The following IGSF10 variants were observed in gnomAD, a reference collection of about 807,000 sequenced individuals.
IGSF10 encodes the protein calvaria mechanical force protein 608.
In IGSF10, 126 loss-of-function variants were observed where a neutral mutation model predicts 128.2. That is an observed-to-expected ratio of 0.98 (90% CI 0.85 to 1.14). The LOEUF is 1.14. IGSF10 is among the 50% of genes most tolerant of loss of function. IGSF10 has a pLI of 0.00. For synonymous variants in IGSF10, 1,185 were observed against 1,146.2 expected (o/e 1.03, Z -0.68); for missense variants, 3,295 against 3,149.8 (o/e 1.05, Z -1.10).
chr3:151,590,133 G>A, the IGSF10 span, among the ~76,000 whole-genome samples: 2 of 151,826 alleles, frequency 1.3e-5, no homozygotes, highest in Non-Finnish European at 2.9e-5. Context: ...CTATCTTCTG[G>A]GCTCAAGTGA....
At chr3:151,498,663 A>G in the IGSF10 span, among the ~76,000 whole-genome samples, 3 of 152,174 alleles carry the variant, frequency 2.0e-5, no homozygotes, top group South Asian at 2.1e-4. Context: ...AAGTTATACA[A>G]GTAGACAAAT....
chr3:151,583,133 T>G, the IGSF10 span, among the ~76,000 whole-genome samples: 2 of 152,032 alleles, frequency 1.3e-5, no homozygotes, highest in Admixed American at 6.5e-5. Flanking sequence ...TGCATGTATG[T>G]TTTCTAGTTA....
chr3:151,541,622 T>C, the IGSF10 span, among the ~76,000 whole-genome samples: 2,272 of 152,282 alleles, frequency 0.015, 47 homozygotes, highest in African/African-American at 0.05. Flanking sequence ...CTTCTCTCTC[T>C]CTGCATATGT....
At chr3:151,540,801 C>T in the IGSF10 span, among the ~76,000 whole-genome samples, 5 of 152,244 alleles carry the variant, frequency 3.3e-5, no homozygotes, top group South Asian at 2.1e-4. Context: ...TAGTCCCCCA[C>T]GAAAATGCAC....
the IGSF10 span, among the ~76,000 whole-genome samples, chr3:151,486,986 G>A: frequency 6.9e-6 from 1 of 145,210 alleles, no homozygotes; most frequent in Non-Finnish European, 1.5e-5. Flanking sequence ...ACTAAGATCC[G>A]AGCAGAACTG....
In IGSF10 at chr3:151,448,646, G is replaced by A. The variant is rs1279243202; in HGVS notation, c.1335C>T (p.Phe445=). The change falls in exon 6 of 8, where the codon TTC becomes TTT. Residue 445 remains phenylalanine, a synonymous_variant. Transcript: ENST00000282466. ...TGGAGTACTGGATCTGTAATGTACTGAATGTGGTGGCAGTTCTGTTCAGCT... is the reference window on the plus strand; with the variant it reads ...TGGAGTACTGGATCTGTAATGTACTAAATGTGGTGGCAGTTCTGTTCAGCT... ...SLQLNRTATT[F]STLQIQYSSD... The A allele has an allele frequency of 1.1e-5, 18 of 1,614,098 alleles. No individual in the cohort carries two copies. Among genetic ancestry groups the A allele is most frequent in the Non-Finnish European group, 1.4e-5 (17 of 1,180,044 alleles).
At chr3:151,579,811 T>G in the IGSF10 span, among the ~76,000 whole-genome samples, 2 of 116,542 alleles carry the variant, frequency 1.7e-5, no homozygotes, top group Non-Finnish European at 3.6e-5. Flanking sequence ...AGAATAAATA[T>G]TACGAAGGAA....
At chr3:151,613,015 C>T in the IGSF10 span, among the ~76,000 whole-genome samples, 5 of 152,096 alleles carry the variant, frequency 3.3e-5, no homozygotes, top group Admixed American at 2.0e-4. Flanking sequence ...AATCAATGTA[C>T]AAAAATCACA....
chr3:151,518,380 A>G, the IGSF10 span, among the ~76,000 whole-genome samples: 1 of 152,168 alleles, frequency 6.6e-6, no homozygotes, highest in East Asian at 1.9e-4. Context: ...ACTCTGGCTC[A>G]GGAGACTGCT....
At chr3:151,591,467 A>T in the IGSF10 span, among the ~76,000 whole-genome samples, 1 of 145,304 alleles carries the variant, frequency 6.9e-6, no homozygotes, top group Non-Finnish European at 1.5e-5. Flanking sequence ...TATTTACCAG[A>T]TACTAAAGAT....
chr3:151,534,329 ATTC>A, the IGSF10 span, among the ~76,000 whole-genome samples: 2 of 152,254 alleles, frequency 1.3e-5, no homozygotes, highest in African/African-American at 4.8e-5. Context: ...ATTATAAATC[ATTC>A]TTCTATAAAG....
intron 7 of IGSF10, 47 bp from the exon 8 acceptor site, chr3:151,438,644 G>C (rs757412694): frequency 6.8e-7 from 1 of 1,479,358 alleles, no homozygotes; most frequent in Non-Finnish European, 9.3e-7. Flanking sequence ...TTAGCAATGA[G>C]GGAAACTGTT....
the IGSF10 span, among the ~76,000 whole-genome samples, chr3:151,533,212 A>T: frequency 6.6e-6 from 1 of 152,184 alleles, no homozygotes; most frequent in Non-Finnish European, 1.5e-5. Flanking sequence ...GAAGAATCAA[A>T]ATCGTGAAAA....
the IGSF10 span, among the ~76,000 whole-genome samples, chr3:151,534,074 C>T: frequency 6.6e-6 from 1 of 152,198 alleles, no homozygotes; most frequent in South Asian, 2.1e-4. Flanking sequence ...CATCACTGGT[C>T]ATTAGAGAAA....
At chr3:151,461,376 T>G, upstream of IGSF10, 1 of 985,408 alleles carries the variant, frequency 1.0e-6, no homozygotes, top group Non-Finnish European at 1.2e-6. Context: ...CTTGGTCCTG[T>G]GGCTCCCAAA....
At chr3:151,490,784 T>A in the IGSF10 span, among the ~76,000 whole-genome samples, 1 of 151,732 alleles carries the variant, frequency 6.6e-6, no homozygotes, top group Admixed American at 6.6e-5. Flanking sequence ...AACCAATAAG[T>A]CAACAAATAA....
chr3:151,470,454 A>AT, the IGSF10 span, among the ~76,000 whole-genome samples: 1 of 152,062 alleles, frequency 6.6e-6, no homozygotes, highest in African/African-American at 2.4e-5. Flanking sequence ...CTGAGTTCCA[A>AT]TTTTTTCCTT....
At chr3:151,528,686 G>A in the IGSF10 span, among the ~76,000 whole-genome samples, 2 of 152,180 alleles carry the variant, frequency 1.3e-5, no homozygotes, top group Admixed American at 6.5e-5. Context: ...CTTTTCCCAT[G>A]GTCTTTGCAA....
the IGSF10 span, among the ~76,000 whole-genome samples, chr3:151,601,555 T>C: frequency 1.3e-5 from 2 of 152,332 alleles, no homozygotes; most frequent in East Asian, 3.9e-4. Flanking sequence ...ATGAGACATA[T>C]GCTTGATGAC....
Sources: allele counts gnomAD v4.1 joint callset (sites outside exome capture counted in the v4.1 genomes callset), GRCh38; gene constraint gnomAD v4.1.1; transcripts MANE v1.5; gene names NCBI Gene and HGNC (gene_info 2026-07-23, HGNC 2026-07-21).